TXNDC11: variants seen among roughly 807,000 people sequenced by gnomAD.
TXNDC11 encodes the protein thioredoxin domain containing 11.
Under a neutral mutation model 78.0 loss-of-function variants are expected in TXNDC11, and 68 were observed. That is an observed-to-expected ratio of 0.87 (90% CI 0.72 to 1.07). The LOEUF (loss-of-function observed/expected upper bound fraction) is 1.07. Ranked by LOEUF, TXNDC11 falls within the 50% of genes least tolerant of loss-of-function variation. TXNDC11 has a pLI of 0.00. For missense variants in TXNDC11, 1,389 were observed against 1,221.8 expected, an observed-to-expected ratio of 1.14 and a Z score of -2.04; for synonymous variants, 571 against 495.2, an observed-to-expected ratio of 1.15 and a Z score of -2.03.
Position 11,679,506 on chromosome 16 carries a change from TGTGTGC to T in TXNDC11, c.2560_2565del (p.Ala854_His855del). ...TCATAGAGGGCCTGCAGCTGCTCAC[TGTGTGC>T]GTGGAGCAGGCTGTGCTGCTCTTCC... On this transcript the variant is annotated inframe_deletion, in exon 12 of 12. Coordinates refer to ENST00000283033, the MANE Select transcript of TXNDC11 (RefSeq NM_015914.7). This position sits in a 1 kb window ranked among gnomAD's most constrained non-coding sequence, Gnocchi z 4.6. The T allele has an allele frequency of 1.2e-6, 2 of 1,613,398 alleles. No homozygotes were observed. Among genetic ancestry groups the T allele is most frequent in the Non-Finnish European group, 1.7e-6 (2 of 1,179,992 alleles).
intron 6 of TXNDC11, among the ~76,000 whole-genome samples, chr16:11,699,923 A>T (rs1159256490): frequency 6.6e-6 from 1 of 152,266 alleles, no homozygotes; most frequent in Admixed American, 6.5e-5. Context: ...GCTGCTCCAC[A>T]GAAAGCAAAT....
chr16:11,698,755 C>T (rs1374384618), intron 6 of TXNDC11, among the ~76,000 whole-genome samples: 1 of 152,222 alleles, frequency 6.6e-6, no homozygotes, highest in Non-Finnish European at 1.5e-5. Flanking sequence ...CCTTCAAATG[C>T]TGCCCCCAAG....
chr16:11,685,333 A>C (rs2050536595), intron 10 of TXNDC11, among the ~76,000 whole-genome samples: 1 of 152,136 alleles, frequency 6.6e-6, no homozygotes, highest in Non-Finnish European at 1.5e-5. Flanking sequence ...CCTGGGCAAC[A>C]GAGTGAGACC....
intron 4 of TXNDC11, among the ~76,000 whole-genome samples, chr16:11,724,726 G>C (rs1011288107): frequency 6.6e-6 from 1 of 152,152 alleles, no homozygotes; most frequent in Non-Finnish European, 1.5e-5. Context: ...CACAACTGGA[G>C]TAACTGAAGT....
intron 3 of TXNDC11, among the ~76,000 whole-genome samples, chr16:11,732,929 C>CA (rs2052097347): frequency 6.6e-6 from 1 of 152,194 alleles, no homozygotes. Context: ...CAACAAACTT[C>CA]AAGCCAATCA....
intron 1 of TXNDC11, among the ~76,000 whole-genome samples, chr16:11,739,215 G>A (rs1287093596): frequency 2.0e-5 from 3 of 152,100 alleles, no homozygotes; most frequent in Non-Finnish European, 4.4e-5. Flanking sequence ...GAGAAGAAAC[G>A]CTCGCCTCTA....
At chr16:11,687,808 A>T in intron 10 of TXNDC11, 49 bp downstream of exon 10, 1 of 1,249,216 alleles carries the variant, frequency 8.0e-7, no homozygotes. Context: ...TGCAAATAAG[A>T]GTGAAAATGG....
chr16:11,698,051 T>A, intron 7 of TXNDC11, 74 bp downstream of exon 7: 1 of 1,380,556 alleles, frequency 7.2e-7, no homozygotes, highest in Non-Finnish European at 1.0e-6. Flanking sequence ...AATGACTGAG[T>A]GTGGGATGAG....
At position 11,691,805 on chromosome 16, in the gene TXNDC11, T is replaced by C. The variant is rs1463612493; in HGVS notation, c.1385A>G (p.Gln462Arg). 3.7e-6 allele frequency: 6 copies of C among 1,614,262 alleles called. No homozygotes were observed. In the East Asian group the frequency reaches 1.3e-4, roughly 36 times the overall value. The change falls in exon 8 of 12, where the codon CAG becomes CGG. Residue 462 changes from glutamine to arginine, a missense_variant. By Grantham distance (43) the Gln-to-Arg change is conservative. Transcript: ENST00000283033. Reference sequence around the variant, plus strand: ...TGCTGCCATTTCAAAAAAGCTGCACTGTGGCACGCTGACCGAGCTCGGCTT... The same window carrying C: ...TGCTGCCATTTCAAAAAAGCTGCACCGTGGCACGCTGACCGAGCTCGGCTT... ...GMKPSSVSVP[Q>R]CSFFEMAAAL... is the part of the protein sequence containing the mutation.
intron 5 of TXNDC11, among the ~76,000 whole-genome samples, chr16:11,713,726 A>G (rs1247423209): frequency 6.6e-6 from 1 of 152,142 alleles, no homozygotes; most frequent in Non-Finnish European, 1.5e-5. Flanking sequence ...CAAAGTATGG[A>G]ATTTTTAATA....
Position 11,700,451 on chromosome 16 carries a change from C to A in TXNDC11, c.906+1G>T. ...CATAAACGTGATTTCAAAATACTTACAAGTGATGTGTTGAAATGTCTATGT... is the reference window on the plus strand; with the variant it reads ...CATAAACGTGATTTCAAAATACTTAAAAGTGATGTGTTGAAATGTCTATGT... On this transcript the variant is annotated splice_donor_variant, in intron 6 of 11. Coordinates refer to ENST00000283033, the MANE Select transcript of TXNDC11 (RefSeq NM_015914.7). LOFTEE classifies it high-confidence loss of function. The A allele has an allele frequency of 7.1e-7, 1 of 1,415,592 alleles. No homozygotes were observed. Among genetic ancestry groups the A allele is most frequent in the Non-Finnish European group, 9.9e-7 (1 of 1,007,456 alleles). The allele number at this position is 1,415,592 out of a possible 1,614,324, so 87.7% of individuals were successfully genotyped here.
Position 11,679,158 on chromosome 16 carries a change from A to G in TXNDC11, c.*37T>C. The stretch of plus-strand genomic sequence containing the variant: ...TTGCATAAATATATTCCCAATGTAC[A>G]ATTTTCACCTCTGATTTCTTCATAT... On this transcript the variant is annotated 3_prime_UTR_variant, in exon 12 of 12. Coordinates refer to ENST00000283033, the MANE Select transcript of TXNDC11 (RefSeq NM_015914.7). This position sits in a 1 kb window ranked among gnomAD's most constrained non-coding sequence, Gnocchi z 4.6. The G allele has an allele frequency of 3.8e-6, 6 of 1,594,130 alleles. No individual in the cohort carries two copies. Among genetic ancestry groups the G allele is most frequent in the Non-Finnish European group, 5.1e-6 (6 of 1,172,488 alleles).
chr16:11,696,734 T>TTAC (rs766832146), intron 7 of TXNDC11, among the ~76,000 whole-genome samples: 122 of 152,296 alleles, frequency 8.0e-4, no homozygotes, highest in Non-Finnish European at 4.3e-4. Flanking sequence ...GGAGGCCTGT[T>TTAC]GGTAGGTGGA....
chr16:11,714,554 G>A (rs1265166345), intron 5 of TXNDC11, among the ~76,000 whole-genome samples: 4 of 151,638 alleles, frequency 2.6e-5, no homozygotes, highest in African/African-American at 4.8e-5. Context: ...GCAGGAAAAT[G>A]GCGTGAACCC....
intron 4 of TXNDC11, 93 bp downstream of exon 4, chr16:11,730,552 G>A: frequency 7.5e-7 from 1 of 1,329,816 alleles, no homozygotes; most frequent in South Asian, 1.4e-5. Context: ...TGCAATTCAG[G>A]AGGTATTTTT....
intron 9 of TXNDC11, 130 bp from the exon 10 acceptor site, chr16:11,688,096 C>A: frequency 1.1e-6 from 1 of 930,748 alleles, no homozygotes; most frequent in Non-Finnish European, 1.7e-6. Flanking sequence ...TGAAAATTTT[C>A]ATCTTTAGGT....
intron 10 of TXNDC11, among the ~76,000 whole-genome samples, chr16:11,685,562 T>G (rs905703283): frequency 6.6e-6 from 1 of 151,408 alleles, no homozygotes. Flanking sequence ...GGCAGGAGAA[T>G]GGCGTGAACC....
At chr16:11,686,281 A>G (rs1470227020) in intron 10 of TXNDC11, among the ~76,000 whole-genome samples, 7 of 152,222 alleles carry the variant, frequency 4.6e-5, no homozygotes, top group African/African-American at 1.7e-4. Flanking sequence ...ATTTTTAAGA[A>G]GAGTTGTCAT....
At chr16:11,718,129 TA>T (rs2141079662) in intron 5 of TXNDC11, among the ~76,000 whole-genome samples, 1 of 152,282 alleles carries the variant, frequency 6.6e-6, no homozygotes, top group South Asian at 2.1e-4. Context: ...GGGCCAGGAA[TA>T]AGCTCTCCTC....
Sources: gnomAD v4.1 joint callset for allele counts (sites outside exome capture counted in the v4.1 genomes callset) on GRCh38, gnomAD v4.1.1 for gene constraint, Gnocchi (gnomAD v3.1) non-coding constraint, MANE v1.5 for transcripts, NCBI Gene and HGNC (gene_info 2026-07-23, HGNC 2026-07-21) for gene names.